ZBBX: variants seen among roughly 807,000 people sequenced by gnomAD.
ZBBX encodes zinc finger B-box domain containing, also known as zinc finger B-box domain-containing protein 1.
In ZBBX, 101 loss-of-function variants were observed where a neutral mutation model predicts 108.5. That is an observed-to-expected ratio of 0.93 (90% CI 0.79 to 1.10). The LOEUF (loss-of-function observed/expected upper bound fraction) is 1.10. ZBBX is among the 50% of genes least tolerant of loss of function. ZBBX has a pLI of 0.00. For synonymous variants in ZBBX, 356 were observed against 323.4 expected (o/e 1.10, Z -1.08); for missense variants, 1,009 against 941.4 (o/e 1.07, Z -0.94).
At chr3:167,274,213 T>C (rs1397028002) in intron 20 of ZBBX, among the ~76,000 whole-genome samples, 2 of 152,230 alleles carry the variant, frequency 1.3e-5, no homozygotes, top group Non-Finnish European at 2.9e-5. Flanking sequence ...CTGGAATTGA[T>C]AGCCCTCTTT....
intron 20 of ZBBX, among the ~76,000 whole-genome samples, chr3:167,243,748 CTTTTTTTT>C (rs148483655): frequency 2.8e-5 from 2 of 70,872 alleles, no homozygotes; most frequent in African/African-American, 6.1e-5. Flanking sequence ...GTGGACTTGA[CTTTTTTTT>C]TTTTTTTTTT....
At chr3:167,324,898 C>A (rs1434676869) in intron 11 of ZBBX, among the ~76,000 whole-genome samples, 1 of 152,122 alleles carries the variant, frequency 6.6e-6, no homozygotes, top group Non-Finnish European at 1.5e-5. Context: ...AGCCTTCCAA[C>A]TTCTTCTTCT....
chr3:167,264,055 T>C (rs1339800436), intron 20 of ZBBX, among the ~76,000 whole-genome samples: 3 of 152,250 alleles, frequency 2.0e-5, no homozygotes, highest in African/African-American at 7.2e-5. Context: ...TCCATTGTCA[T>C]AGAATATCTT....
In ZBBX at chr3:167,322,836, C is replaced by T. The variant is rs1215830334; in HGVS notation, c.863-599G>A. Reference sequence around the variant, plus strand: ...CTAGTCTCTCCACCCTCCCACGTATCGTTCCTGTCTCCAAACTGAACATCA... The same window carrying T: ...CTAGTCTCTCCACCCTCCCACGTATTGTTCCTGTCTCCAAACTGAACATCA... On this transcript the variant is annotated intron_variant, in intron 11 of 21. Transcript: ENST00000675490. Among the ~76,000 whole-genome samples the T allele has an allele frequency of 3.3e-5, 5 of 151,908 alleles. No homozygotes were observed. The South Asian group carries it at 6.2e-4, about 19-fold the overall frequency.
At chr3:167,304,011 A>C (rs2108218443) in intron 17 of ZBBX, among the ~76,000 whole-genome samples, 1 of 152,302 alleles carries the variant, frequency 6.6e-6, no homozygotes, top group East Asian at 1.9e-4. Flanking sequence ...TGCTGTTTAT[A>C]TCCATTTTAT....
intron 10 of ZBBX, 23 bp downstream of exon 10, chr3:167,333,804 C>G: frequency 6.4e-6 from 10 of 1,554,176 alleles, no homozygotes; most frequent in Non-Finnish European, 8.7e-6. Flanking sequence ...CAGAAAATGT[C>G]TACTATATTT....
intron 16 of ZBBX, 107 bp from the exon 17 acceptor site, chr3:167,306,057 C>T: frequency 4.7e-6 from 4 of 852,308 alleles, no homozygotes; most frequent in Non-Finnish European, 6.8e-6. Context: ...TCAATAAACA[C>T]TATTTCACAA....
At chr3:167,225,012 T>G in the ZBBX span, among the ~76,000 whole-genome samples, 1 of 151,902 alleles carries the variant, frequency 6.6e-6, no homozygotes, top group South Asian at 2.1e-4. Flanking sequence ...GAGGACCCTT[T>G]TTGGTTCTTC....
intron 5 of ZBBX, among the ~76,000 whole-genome samples, chr3:167,367,477 C>T (rs1281290245): frequency 6.6e-6 from 1 of 151,526 alleles, no homozygotes; most frequent in South Asian, 2.1e-4. Flanking sequence ...GAAAATTAGG[C>T]TAATTTTCTT....
At chr3:167,407,859 G>T (rs9823090), upstream of ZBBX, among the ~76,000 whole-genome samples, 3 of 151,758 alleles carry the variant, frequency 2.0e-5, no homozygotes, top group Admixed American at 2.0e-4. Context: ...TTACTGATGC[G>T]CTCACAGACA....
chr3:167,186,134 A>C, the ZBBX span, among the ~76,000 whole-genome samples: 1 of 151,948 alleles, frequency 6.6e-6, no homozygotes, highest in Non-Finnish European at 1.5e-5. Flanking sequence ...TTACTGGTAG[A>C]TAAAAATGGT....
chr3:167,282,218 G>GA lies in ZBBX; in HGVS notation c.2254+19dup, dbSNP rs746158559. 7.1e-3 allele frequency: 9,592 copies of GA among 1,348,484 alleles called. 6 individuals are homozygous for GA. Among genetic ancestry groups the GA allele is most frequent in the South Asian group, 0.012 (866 of 71,854 alleles). 83.5% of individuals were successfully genotyped at this position (1,348,484 alleles called of 1,614,324 possible). A position where few individuals can be genotyped will look rare whatever the true frequency, so the allele number is the denominator to read the frequency against. ...AGAGTTAATTAGCATTATCTAAAGTGAAAAAAAAAATAGGATTACCTGCAA... is the reference window on the plus strand; with the variant it reads ...AGAGTTAATTAGCATTATCTAAAGTGAAAAAAAAAAATAGGATTACCTGCAA... On this transcript the variant is annotated intron_variant, in intron 20 of 21. Coordinates refer to ENST00000675490, the MANE Select transcript of ZBBX (RefSeq NM_001199201.2).
rs1460013679 is a variant in ZBBX at position 167,314,077 on chromosome 3, A to T, written c.1314T>A (p.Tyr438Ter). 5.0e-6 allele frequency: 8 copies of T among 1,604,484 alleles called. No homozygotes were observed. Among genetic ancestry groups the T allele is most frequent in the East Asian group, 4.5e-5 (2 of 44,384 alleles). Residue 438 changes from tyrosine to a stop codon, truncating the protein, a stop_gained, in exon 16 of 22, where the codon TAT becomes TAA. Transcript: ENST00000675490. LOFTEE classifies it high-confidence loss of function. ...FHDCQKNSFP[Y>*]ENGIHQHHVF... ...CATGATGTTGATGGATGCCATTTTC[A>T]TATGGAAAGCTATTCTTCTGACAAT...
chr3:167,383,258 T>C (rs1478572486), upstream of ZBBX, among the ~76,000 whole-genome samples: 1 of 152,054 alleles, frequency 6.6e-6, no homozygotes, highest in East Asian at 1.9e-4. Flanking sequence ...CAAAACCAAA[T>C]TCCTACCATC....
the ZBBX span, among the ~76,000 whole-genome samples, chr3:167,200,429 G>A: frequency 3.3e-5 from 5 of 152,088 alleles, no homozygotes; most frequent in African/African-American, 7.2e-5. Flanking sequence ...ATCATCTCAT[G>A]TATACATGCT....
At chr3:167,183,392 C>T in the ZBBX span, among the ~76,000 whole-genome samples, 6 of 152,158 alleles carry the variant, frequency 3.9e-5, no homozygotes, top group Non-Finnish European at 8.8e-5. Flanking sequence ...CCCTTTGACC[C>T]GGGTTCAAGC....
chr3:167,315,622 A>G, intron 15 of ZBBX, 128 bp downstream of exon 15: 1 of 652,678 alleles, frequency 1.5e-6, no homozygotes, highest in African/African-American at 1.8e-5. Flanking sequence ...GTTAAGTAAA[A>G]TATACTCTGA....
chr3:167,231,532 G>A, the ZBBX span, among the ~76,000 whole-genome samples: 1 of 151,718 alleles, frequency 6.6e-6, no homozygotes, highest in African/African-American at 2.4e-5. Context: ...ATTTGAATGG[G>A]TCAAATAGAA....
chr3:167,404,534 T>TCCCACTCG (rs1454394608), intron 1 of ZBBX, among the ~76,000 whole-genome samples: 34 of 151,478 alleles, frequency 2.2e-4, no homozygotes. Flanking sequence ...CTCTTCACTC[T>TCCCACTCG]CCCACTCTCC....
Sources: gnomAD v4.1 joint callset for allele counts (sites outside exome capture counted in the v4.1 genomes callset) on GRCh38, gnomAD v4.1.1 for gene constraint, MANE v1.5 for transcripts, NCBI Gene and HGNC (gene_info 2026-07-23, HGNC 2026-07-21) for gene names.